Variants in TPD52L2 observed in about 807,000 individuals in gnomAD.
TPD52L2 encodes the protein tumor protein D54.
A neutral mutation model predicts 24.7 loss-of-function variants in TPD52L2; 19 were observed. That is an observed-to-expected ratio of 0.77 (90% CI 0.54 to 1.13). TPD52L2 has a LOEUF of 1.13. Ranked by LOEUF, TPD52L2 falls within the 50% of genes most tolerant of loss-of-function variation. TPD52L2 has a pLI of 0.00. For synonymous variants in TPD52L2, 104 were observed against 100.2 expected (o/e 1.04, Z -0.23); for missense variants, 236 against 250.4 (o/e 0.94, Z 0.39).
At chr20:63,887,734 C>T (rs1277487445) in intron 5 of TPD52L2, 14 of 934,310 alleles carry the variant, frequency 1.5e-5, no homozygotes, top group Non-Finnish European at 2.2e-5. Context: ...CCCTTGGCAA[C>T]CTCTGATGAC....
In TPD52L2 at chr20:63,889,388, C is replaced by T. The variant is rs928672023; in HGVS notation, c.525+150C>T. ...CCTTGTGCCTTTTACACAGTTCTCTCCTGTGACGACATCTTGGAAAATCCT... is the reference window on the plus strand; with the variant it reads ...CCTTGTGCCTTTTACACAGTTCTCTTCTGTGACGACATCTTGGAAAATCCT... On this transcript the variant is annotated intron_variant, in intron 6 of 6. Transcript: ENST00000346249. 1.2e-4 allele frequency: 89 copies of T among 761,854 alleles called. 1 individual carries two copies. In the Middle Eastern group the frequency reaches 1.3e-3, roughly 11 times the overall value. 47.2% of individuals were successfully genotyped at this position (761,854 alleles called of 1,614,324 possible). A position where few individuals can be genotyped will look rare whatever the true frequency, so the allele number is the denominator to read the frequency against.
At chr20:63,865,480 G>A in intron 1 of TPD52L2, 96 bp downstream of exon 1, 1 of 1,450,134 alleles carries the variant, frequency 6.9e-7, no homozygotes, top group South Asian at 1.3e-5. Context: ...CTGTCCTCTC[G>A]GTCTCGGTTC....
At chr20:63,870,757 G>A (rs1211537041) in intron 2 of TPD52L2, among the ~76,000 whole-genome samples, 1 of 150,484 alleles carries the variant, frequency 6.6e-6, no homozygotes, top group Non-Finnish European at 1.5e-5. Flanking sequence ...TCGCCCTGTC[G>A]CCCAGGCTGG....
At chr20:63,874,434 C>T (rs553510550) in intron 3 of TPD52L2, among the ~76,000 whole-genome samples, 9 of 150,846 alleles carry the variant, frequency 6.0e-5, no homozygotes, top group South Asian at 4.2e-4. Flanking sequence ...AGTGCAGTGG[C>T]GCAATCATGA....
At chr20:63,868,798 C>A (rs778847425) in intron 1 of TPD52L2, among the ~76,000 whole-genome samples, 1 of 152,162 alleles carries the variant, frequency 6.6e-6, no homozygotes, top group Non-Finnish European at 1.5e-5. Context: ...ACAAAAATAG[C>A]CAGCGTGGTG....
rs768981061 is a variant in TPD52L2, at chr20:63,890,018, C to G, written c.*73C>G. Reference sequence around the variant, plus strand: ...GCATCACAGCCGCAGCTCTGTTCAGCGGAGCAGCCAGCCAGGGCGGATGAG... The same window carrying G: ...GCATCACAGCCGCAGCTCTGTTCAGGGGAGCAGCCAGCCAGGGCGGATGAG... On this transcript the variant is annotated 3_prime_UTR_variant, in exon 7 of 7. Transcript: ENST00000346249. 6.3e-7 allele frequency: 1 copy of G among 1,598,200 alleles called. No homozygotes were observed. Among genetic ancestry groups the G allele is most frequent in the South Asian group, 1.1e-5 (1 of 89,596 alleles).
intron 2 of TPD52L2, 121 bp from the exon 3 acceptor site, chr20:63,873,547 T>G (rs2052546771): frequency 1.8e-6 from 2 of 1,131,452 alleles, no homozygotes; most frequent in Admixed American, 3.4e-5. Context: ...CTGTTATTCC[T>G]AGGACGAGTT....
intron 5 of TPD52L2, among the ~76,000 whole-genome samples, chr20:63,886,511 G>T (rs567209498): frequency 6.6e-6 from 1 of 151,822 alleles, no homozygotes; most frequent in Non-Finnish European, 1.5e-5. Context: ...ACAGGCGCCC[G>T]CCGCCACGCC....
At chr20:63,886,833 CG>C (rs2053142105) in intron 5 of TPD52L2, 1 of 151,736 alleles carries the variant, frequency 6.6e-6, no homozygotes, top group Non-Finnish European at 1.5e-5. Flanking sequence ...TTAGTAGAGA[CG>C]GGGTTTCACC....
intron 3 of TPD52L2, among the ~76,000 whole-genome samples, chr20:63,875,408 C>T (rs552770636): frequency 6.6e-6 from 1 of 152,288 alleles, no homozygotes; most frequent in Non-Finnish European, 1.5e-5. Context: ...TGTTCCTATA[C>T]AAAGACAGAA....
At chr20:63,876,064 TGAGA>T (rs2052663822) in intron 4 of TPD52L2, among the ~76,000 whole-genome samples, 189 bp downstream of exon 4, 1 of 152,220 alleles carries the variant, frequency 6.6e-6, no homozygotes, top group Admixed American at 6.5e-5. Context: ...GAATAGTAGC[TGAGA>T]GAAACTCACT....
chr20:63,869,304 C>T lies in TPD52L2; in HGVS notation c.28C>T (p.Leu10=), dbSNP rs1600783152. 6.2e-7 allele frequency: 1 copy of T among 1,614,138 alleles called. No homozygotes were observed. The highest frequency in any genetic ancestry group is 2.2e-5 in the East Asian group (1 of 44,886). Reference sequence around the variant, plus strand: ...CATTTTGTCTCTGGCAGATATCAACCTGAATTCTCCTAACAAAGGTCTGCT... The same window carrying T: ...CATTTTGTCTCTGGCAGATATCAACTTGAATTCTCCTAACAAAGGTCTGCT... MDSAGQDIN[L]NSPNKGLLSD... Residue 10 remains leucine, a synonymous_variant, in exon 2 of 7, where the codon CTG becomes TTG. Coordinates refer to ENST00000346249, the MANE Select transcript of TPD52L2 (RefSeq NM_003288.4).
chr20:63,869,507 G>T, intron 2 of TPD52L2, 66 bp downstream of exon 2: 2 of 1,596,518 alleles, frequency 1.3e-6, no homozygotes, highest in South Asian at 1.1e-5. Flanking sequence ...TTAGTGAGAG[G>T]CCAGGGTACT....
Position 63,877,167 on chromosome 20 carries a change from A to G in TPD52L2, c.374+1292A>G. Reference sequence around the variant, plus strand: ...CAGCCTCCCCAGTAGCTGGGACTACAGGCGCCCGCCACCACGCCCGGCTAA... The same window carrying G: ...CAGCCTCCCCAGTAGCTGGGACTACGGGCGCCCGCCACCACGCCCGGCTAA... On this transcript the variant is annotated intron_variant, in intron 4 of 6. Coordinates refer to ENST00000346249, the MANE Select transcript of TPD52L2 (RefSeq NM_003288.4). This position sits in a 1 kb window ranked among gnomAD's most constrained non-coding sequence, Gnocchi z 4.1. 1 of 351,616 alleles carries G rather than the reference A, an allele frequency of 2.8e-6. No individual in the cohort carries two copies. The allele number at this position is 351,616 out of a possible 1,614,324, so 21.8% of individuals were successfully genotyped here.
chr20:63,869,234 C>A lies in TPD52L2; in HGVS notation c.20-62C>A, dbSNP rs985305134. 22 of 1,600,724 alleles carry A rather than the reference C, an allele frequency of 1.4e-5. No homozygotes were observed. The African/African-American group carries it at 2.7e-4, about 19-fold the overall frequency. On this transcript the variant is annotated intron_variant, in intron 1 of 6. Coordinates refer to ENST00000346249, the MANE Select transcript of TPD52L2 (RefSeq NM_003288.4). ...TGTGCTTTTGTCCTGCTAGAGACCT[C>A]TACCGTATTTACTTGGAACTAACTT...
In TPD52L2 at chr20:63,869,471, T is replaced by C. The variant is rs755152380; in HGVS notation, c.165+30T>C. ...TGTGGCTTGGCTGTCTGTCCTGGGG[T>C]GAATTGGAGTTAAGGCCCTCTTGGA... is the stretch of plus-strand genomic sequence containing the variant. On this transcript the variant is annotated intron_variant, in intron 2 of 6. Coordinates refer to ENST00000346249, the MANE Select transcript of TPD52L2 (RefSeq NM_003288.4). The C allele has an allele frequency of 1.2e-5, 19 of 1,609,900 alleles. 1 individual carries two copies. The South Asian group carries it at 2.1e-4, about 18-fold the overall frequency.
intron 5 of TPD52L2, among the ~76,000 whole-genome samples, chr20:63,884,513 C>T (rs775871544): frequency 6.6e-6 from 1 of 152,204 alleles, no homozygotes; most frequent in South Asian, 2.1e-4. Flanking sequence ...GTGCACAAGC[C>T]AGTCCTAGGG....
At chr20:63,867,056 C>T (rs542768358) in intron 1 of TPD52L2, among the ~76,000 whole-genome samples, 64 of 151,042 alleles carry the variant, frequency 4.2e-4, no homozygotes, top group African/African-American at 1.5e-3. Context: ...TGGGTTCAAG[C>T]GATTCTCCTG....
chr20:63,879,734 C>T (rs1174827265), intron 4 of TPD52L2, among the ~76,000 whole-genome samples: 2 of 136,436 alleles, frequency 1.5e-5, no homozygotes, highest in African/African-American at 5.6e-5. Flanking sequence ...CCCATCCCCA[C>T]TCTTTAGGCA....
Sources: gnomAD v4.1 joint callset for allele counts (sites outside exome capture counted in the v4.1 genomes callset) on GRCh38, gnomAD v4.1.1 for gene constraint, Gnocchi (gnomAD v3.1) non-coding constraint, MANE v1.5 for transcripts, NCBI Gene and HGNC (gene_info 2026-07-23, HGNC 2026-07-21) for gene names.